DCTN3: variants seen among roughly 807,000 people sequenced by gnomAD.
The protein encoded by DCTN3 is dynactin subunit 3.
DCTN3 carries 25 observed loss-of-function variants against 28.4 expected under a neutral mutation model. The ratio of observed to expected loss-of-function variants is 0.88; its 90% CI spans 0.64 to 1.23. The LOEUF is 1.23. DCTN3 is among the 50% of genes most tolerant of loss of function. The probability of loss-of-function intolerance (pLI) is 0.00; values close to 1 mark genes in which losing one functional copy is unlikely to be tolerated. For missense variants in DCTN3, 229 were observed against 232.0 expected (o/e 0.99, Z 0.08); for synonymous variants, 81 against 91.4 (o/e 0.89, Z 0.65).
Position 34,614,083 on chromosome 9 carries a change from T to G in DCTN3, c.430A>C (p.Thr144Pro), listed in dbSNP as rs370374770. ...IQQQDQCVEI[T>P]EESKALLEEY... ...TCCAGGAGAGCCTTGGACTCCTCAGTGATTTCCACACACTGGTCCTGTAGG... is the reference window on the plus strand; with the variant it reads ...TCCAGGAGAGCCTTGGACTCCTCAGGGATTTCCACACACTGGTCCTGTAGG... The change falls in exon 6 of 7, where the codon ACT becomes CCT. Residue 144 changes from threonine (T) to proline (P), a missense_variant. Transcript: ENST00000259632. 5.0e-6 allele frequency: 8 copies of G among 1,613,710 alleles called. No individual in the cohort carries two copies. Among genetic ancestry groups the G allele is most frequent in the Non-Finnish European group, 6.8e-6 (8 of 1,179,808 alleles).
Position 34,614,694 on chromosome 9 carries a change from A to G in DCTN3, c.411+16T>C, listed in dbSNP as rs1157480311. 2 of 1,613,846 alleles carry G rather than the reference A, an allele frequency of 1.2e-6. No homozygotes were observed. The highest frequency in any genetic ancestry group is 4.5e-5 in the East Asian group (2 of 44,892). Reference sequence around the variant, plus strand: ...GCCACCTCCATCTTCGCTTCTAGTCATCTCCCCTCCCATACCTGCTGCTGA... The same window carrying G: ...GCCACCTCCATCTTCGCTTCTAGTCGTCTCCCCTCCCATACCTGCTGCTGA... On this transcript the variant is annotated intron_variant, in intron 5 of 6. Transcript: ENST00000259632.
Position 34,620,393 on chromosome 9 carries a change from C to T in DCTN3, c.72G>A (p.Pro24=), listed in dbSNP as rs543091855. 2 of 1,599,398 alleles carry T rather than the reference C, an allele frequency of 1.3e-6. No individual in the cohort carries two copies. Among genetic ancestry groups the T allele is most frequent in the Non-Finnish European group, 8.5e-7 (1 of 1,173,706 alleles). Residue 24 remains proline, a synonymous_variant, in exon 1 of 7, where the codon CCG becomes CCA. Coordinates refer to ENST00000259632, the MANE Select transcript of DCTN3 (RefSeq NM_007234.5). The part of the protein sequence containing the change: ...VEELERWVYG[P]GGARGSRKVA... ...CCTTCCGTGAGCCGCGCGCCCCGCC[C>T]GGCCCGTACACCCAGCGCTCCAGCT...
At position 34,613,848 on chromosome 9, in the gene DCTN3, G is replaced by GA; in HGVS notation, c.494dup (p.Val166ArgfsTer5). On this transcript the variant is annotated frameshift_variant, in exon 7 of 7. Coordinates refer to ENST00000259632, the MANE Select transcript of DCTN3 (RefSeq NM_007234.5). LOFTEE classifies it high-confidence loss of function. The stretch of plus-strand genomic sequence containing the variant: ...GGCAAAGTAGCTCATCCCACTGCAC[G>GA]AATTGCTTGGAGAGAAGCATTGTCT... 6.2e-7 allele frequency: 1 copy of GA among 1,614,106 alleles called. No homozygotes were observed. Among genetic ancestry groups the GA allele is most frequent in the Non-Finnish European group, 8.5e-7 (1 of 1,180,012 alleles).
chr9:34,614,156 C>T (rs1820367493), intron 5 of DCTN3, 55 bp from the exon 6 acceptor site: 2 of 1,613,936 alleles, frequency 1.2e-6, no homozygotes, highest in Non-Finnish European at 1.7e-6. Flanking sequence ...ACATCTTCCA[C>T]TAAACTTCCT....
chr9:34,615,858 GC>G, intron 4 of DCTN3, 171 bp downstream of exon 4: 1 of 494,100 alleles, frequency 2.0e-6, no homozygotes, highest in East Asian at 3.5e-5. Context: ...TCAAGATCAT[GC>G]CACTGCACTC....
At chr9:34,617,568 C>T in intron 3 of DCTN3, 12 of 1,139,838 alleles carry the variant, frequency 1.1e-5, no homozygotes, top group Non-Finnish European at 1.4e-5. Flanking sequence ...CCTACCCTTT[C>T]CTAGAAGCTC....
At position 34,613,849 on chromosome 9, in the gene DCTN3, A is replaced by G. The variant is rs1397648419; in HGVS notation, c.494T>C (p.Phe165Ser). Residue 165 changes from phenylalanine (F) to serine (S), a missense_variant, in exon 7 of 7, where the codon TTC becomes TCC. Transcript: ENST00000259632. ...NKTTMLLSKQ[F>S]VQWDELLCQL... ...GCAAAGTAGCTCATCCCACTGCACG[A>G]ATTGCTTGGAGAGAAGCATTGTCTG... 4 of 1,614,188 alleles carry G rather than the reference A, an allele frequency of 2.5e-6. No individual in the cohort carries two copies. The South Asian group carries it at 3.3e-5, about 13-fold the overall frequency.
intron 1 of DCTN3, 81 bp downstream of exon 1, chr9:34,620,288 G>C: frequency 1.6e-6 from 2 of 1,222,430 alleles, no homozygotes; most frequent in Non-Finnish European, 2.4e-6. Flanking sequence ...AACAGGACTG[G>C]AGCGGTTGCA....
intron 1 of DCTN3, among the ~76,000 whole-genome samples, chr9:34,619,311 T>A (rs754540501): frequency 2.0e-5 from 3 of 152,148 alleles, no homozygotes; most frequent in Non-Finnish European, 4.4e-5. Flanking sequence ...AGTGGAAAAG[T>A]CCAGTAGACA....
At chr9:34,613,926 T>C (rs770129227) in intron 6 of DCTN3, 55 bp from the exon 7 acceptor site, 1 of 1,613,636 alleles carries the variant, frequency 6.2e-7, no homozygotes, top group East Asian at 2.2e-5. Flanking sequence ...TCATGGAAAG[T>C]GGGGAACAGG....
Position 34,617,936 on chromosome 9 carries a change from T to C in DCTN3, c.217A>G (p.Ile73Val). The change falls in exon 3 of 7, where the codon ATC becomes GTC. Residue 73 changes from isoleucine to valine, a missense_variant. By Grantham distance (29) the Ile-to-Val change is conservative (BLOSUM62 3). Coordinates refer to ENST00000259632, the MANE Select transcript of DCTN3 (RefSeq NM_007234.5). ...GCATCAGGTATGGCAATGCGGTCGA[T>C]GTACTCAGGATCCAGGTACTTGATC... Reference protein sequence around the residue: ...DLIKYLDPEYIDRIAIPDASK... With the variant: ...DLIKYLDPEYVDRIAIPDASK... 1 of 1,613,960 alleles carries C rather than the reference T, an allele frequency of 6.2e-7. No individual in the cohort carries two copies. Among genetic ancestry groups the C allele is most frequent in the South Asian group, 1.1e-5 (1 of 91,074 alleles).
intron 5 of DCTN3, 117 bp from the exon 6 acceptor site, chr9:34,614,218 A>G: frequency 6.3e-7 from 1 of 1,591,322 alleles, no homozygotes; most frequent in South Asian, 1.1e-5. Flanking sequence ...ATGACGCTTA[A>G]CCCCAAAGCC....
chr9:34,614,456 G>A (rs998493297), intron 5 of DCTN3: 66 of 613,680 alleles, frequency 1.1e-4, no homozygotes, highest in Non-Finnish European at 1.1e-4. Flanking sequence ...ACCATCCCCA[G>A]GAATTCTTGG....
chr9:34,617,529 T>G, intron 3 of DCTN3: 2 of 684,370 alleles, frequency 2.9e-6, no homozygotes, highest in South Asian at 3.7e-5. Flanking sequence ...CAATACTCTC[T>G]CTGTTCTTTA....
chr9:34,618,009 G>T, intron 2 of DCTN3, 38 bp from the exon 3 acceptor site: 1 of 1,596,954 alleles, frequency 6.3e-7, no homozygotes, highest in South Asian at 1.1e-5. Context: ...AATAGGGTTG[G>T]GCAGTAGAGC....
At chr9:34,614,938 C>G (rs1820389858) in intron 4 of DCTN3, 170 bp from the exon 5 acceptor site, 4 of 714,750 alleles carry the variant, frequency 5.6e-6, no homozygotes, top group Middle Eastern at 2.7e-4. Flanking sequence ...CCTGCCCACT[C>G]CAGTCTTACT....
intron 2 of DCTN3, 82 bp downstream of exon 2, chr9:34,618,594 A>C: frequency 9.6e-7 from 1 of 1,043,160 alleles, no homozygotes; most frequent in Non-Finnish European, 1.5e-6. Context: ...CAGTGACCTA[A>C]TGAACTGAAG....
chr9:34,613,663 A>G lies in DCTN3; in HGVS notation c.*119T>C. Reference sequence around the variant, plus strand: ...CCTCCAACTTTAGAGCCCAGAGTACAGAGAGGTGGGCCTTGAAGCCAATAA... The same window carrying G: ...CCTCCAACTTTAGAGCCCAGAGTACGGAGAGGTGGGCCTTGAAGCCAATAA... On this transcript the variant is annotated 3_prime_UTR_variant, in exon 7 of 7. Coordinates refer to ENST00000259632, the MANE Select transcript of DCTN3 (RefSeq NM_007234.5). The G allele has an allele frequency of 7.2e-7, 1 of 1,379,990 alleles. No individual in the cohort carries two copies. Among genetic ancestry groups the G allele is most frequent in the Non-Finnish European group, 9.8e-7 (1 of 1,024,724 alleles). 85.5% of individuals were successfully genotyped at this position (1,379,990 alleles called of 1,614,324 possible).
intron 4 of DCTN3, 128 bp from the exon 5 acceptor site, chr9:34,614,896 G>T: frequency 8.9e-7 from 1 of 1,129,270 alleles, no homozygotes; most frequent in South Asian, 1.4e-5. Context: ...AGACTTCATC[G>T]ACTGCTGCAG....
Sources: allele counts gnomAD v4.1 joint callset (sites outside exome capture counted in the v4.1 genomes callset), GRCh38; gene constraint gnomAD v4.1.1; transcripts MANE v1.5; gene names NCBI Gene and HGNC (gene_info 2026-07-23, HGNC 2026-07-21).